Variants in TMCC1 observed in about 807,000 individuals in gnomAD.
TMCC1 encodes transmembrane and coiled-coil domain family 1.
Under a neutral mutation model 52.4 loss-of-function variants are expected in TMCC1, and 15 were observed. That is an observed-to-expected ratio of 0.29 (90% CI 0.19 to 0.44). The LOEUF (loss-of-function observed/expected upper bound fraction) is 0.44, where lower values mean the gene tolerates loss of function less well. Among genes scored for constraint, TMCC1 ranks in the 20% least tolerant of loss-of-function variants. TMCC1 has a pLI of 1.00. For missense variants in TMCC1, 503 were observed against 806.0 expected (o/e 0.62, Z 4.55); for synonymous variants, 279 against 301.9 (o/e 0.92, Z 0.79).
At chr3:129,865,194 A>T (rs1166294950) in intron 2 of TMCC1, among the ~76,000 whole-genome samples, 2 of 150,536 alleles carry the variant, frequency 1.3e-5, no homozygotes, top group Admixed American at 6.7e-5. Flanking sequence ...CTTCTCATTC[A>T]TTTTTTTTTC....
intron 4 of TMCC1, among the ~76,000 whole-genome samples, chr3:129,690,953 C>G (rs1321330765): frequency 6.6e-6 from 1 of 152,130 alleles, no homozygotes; most frequent in Admixed American, 6.6e-5. Flanking sequence ...CTGTTTTAGC[C>G]TGGGTACATC....
intron 4 of TMCC1, among the ~76,000 whole-genome samples, chr3:129,805,727 G>A (rs1256162848): frequency 1.3e-5 from 2 of 151,956 alleles, no homozygotes; most frequent in Non-Finnish European, 2.9e-5. Flanking sequence ...GAGGTTAGGA[G>A]TTTGAGACCA....
intron 2 of TMCC1, among the ~76,000 whole-genome samples, chr3:129,856,047 A>G (rs2060133603): frequency 6.6e-6 from 1 of 152,214 alleles, no homozygotes; most frequent in Non-Finnish European, 1.5e-5. Flanking sequence ...ATATTATACT[A>G]CAGTTACATA....
chr3:129,708,794 T>C (rs2048431140), intron 4 of TMCC1, among the ~76,000 whole-genome samples: 1 of 152,180 alleles, frequency 6.6e-6, no homozygotes, highest in Admixed American at 6.5e-5. Context: ...ACTTATTACT[T>C]TCCCCCAAAG....
chr3:129,793,442 C>T (rs2056610175), intron 4 of TMCC1, among the ~76,000 whole-genome samples: 1 of 152,176 alleles, frequency 6.6e-6, no homozygotes, highest in South Asian at 2.1e-4. Flanking sequence ...GTGAAGAATG[C>T]CTACAGACTT....
rs367973066 is a variant in TMCC1, at chr3:129,822,291, A to G, written c.576+5512T>C. On this transcript the variant is annotated intron_variant, in intron 4 of 6. Coordinates refer to ENST00000393238, the MANE Select transcript of TMCC1 (RefSeq NM_001017395.5). ...AAAGTTGTTTAAAAGTAATAACATA[A>G]GAACCAGGCATGGTGGCACATGCCT... Among the ~76,000 whole-genome samples, 7 of 152,262 alleles carry G rather than the reference A, an allele frequency of 4.6e-5. No individual in the cohort carries two copies. In the East Asian group the frequency reaches 1.4e-3, roughly 29 times the overall value.
chr3:129,798,524 C>CAAAAAAAA (rs796919072), intron 4 of TMCC1, among the ~76,000 whole-genome samples: 8 of 67,882 alleles, frequency 1.2e-4, no homozygotes, highest in African/African-American at 2.3e-4. Context: ...TCTTCCTATC[C>CAAAAAAAA]AAAAAAAAAA....
chr3:129,876,735 A>G (rs376839044), intron 2 of TMCC1, among the ~76,000 whole-genome samples: 26 of 152,146 alleles, frequency 1.7e-4, no homozygotes, highest in Admixed American at 8.5e-4. Flanking sequence ...CGGGAGGATC[A>G]CAAGGTCAAG....
chr3:129,878,680 C>T lies in TMCC1; in HGVS notation c.-184+1629G>A, dbSNP rs115866322. 3.1e-3 allele frequency among the ~76,000 whole-genome samples: 466 copies of T among 152,316 alleles called. 4 individuals carry two copies. Among genetic ancestry groups the T allele is most frequent in the African/African-American group, 0.01 (431 of 41,572 alleles). On this transcript the variant is annotated intron_variant, in intron 2 of 6. Coordinates refer to ENST00000393238, the MANE Select transcript of TMCC1 (RefSeq NM_001017395.5). ...ATCAGATCATGTCACCCTGCCCAAA[C>T]GCTCCAAAGACTTCCTATTTTGCTC... is the stretch of plus-strand genomic sequence containing the variant.
chr3:129,804,236 G>T (rs1560454707), intron 4 of TMCC1, among the ~76,000 whole-genome samples: 2 of 152,120 alleles, frequency 1.3e-5, no homozygotes, highest in Non-Finnish European at 2.9e-5. Context: ...TTTATCTTTG[G>T]TAATACTTCT....
At chr3:129,865,304 T>C (rs1046579075) in intron 2 of TMCC1, among the ~76,000 whole-genome samples, 3 of 151,826 alleles carry the variant, frequency 2.0e-5, no homozygotes, top group South Asian at 4.2e-4. Context: ...TACAGGTACA[T>C]GACACCACAT....
chr3:129,687,726 G>A (rs1435889246), intron 4 of TMCC1, among the ~76,000 whole-genome samples: 4 of 152,060 alleles, frequency 2.6e-5, no homozygotes, highest in Admixed American at 6.6e-5. Context: ...ACCCACCAAC[G>A]CACAGCTATG....
intron 5 of TMCC1, among the ~76,000 whole-genome samples, chr3:129,665,141 T>C (rs2087350095): frequency 6.6e-6 from 1 of 152,196 alleles, no homozygotes; most frequent in Non-Finnish European, 1.5e-5. Context: ...GAATGCACAA[T>C]GGTAAAACTC....
chr3:129,705,738 G>A (rs1212649364), intron 4 of TMCC1, among the ~76,000 whole-genome samples: 2 of 151,106 alleles, frequency 1.3e-5, no homozygotes, highest in Non-Finnish European at 2.9e-5. Flanking sequence ...GACTACAGGC[G>A]CCCGCCACCA....
At chr3:129,657,339 G>T (rs1426755151) in intron 5 of TMCC1, among the ~76,000 whole-genome samples, 1 of 152,170 alleles carries the variant, frequency 6.6e-6, no homozygotes, top group Non-Finnish European at 1.5e-5. Context: ...AGCAGCCACA[G>T]CAACAGTTTA....
At chr3:129,709,474 CA>C (rs1160022823) in intron 4 of TMCC1, among the ~76,000 whole-genome samples, 8 of 20,528 alleles carry the variant, frequency 3.9e-4, no homozygotes, top group East Asian at 1.4e-3. Flanking sequence ...AGACTTGCCT[CA>C]AAAAAAAAAA....
At chr3:129,879,634 A>G (rs1467755910) in intron 2 of TMCC1, among the ~76,000 whole-genome samples, 1 of 152,222 alleles carries the variant, frequency 6.6e-6, no homozygotes, top group Non-Finnish European at 1.5e-5. Context: ...AGGTGAGAAA[A>G]CAAACATACT....
chr3:129,737,141 C>T (rs999590164), intron 4 of TMCC1, among the ~76,000 whole-genome samples: 1 of 152,134 alleles, frequency 6.6e-6, no homozygotes, highest in Non-Finnish European at 1.5e-5. Flanking sequence ...AAGGGCTTCA[C>T]CCTCATGAAT....
intron 4 of TMCC1, among the ~76,000 whole-genome samples, chr3:129,741,548 A>C (rs2107636367): frequency 6.6e-6 from 1 of 152,268 alleles, no homozygotes; most frequent in South Asian, 2.1e-4. Flanking sequence ...CTTCACTAAC[A>C]ATCTTTCTAC....
Sources: allele counts gnomAD v4.1 joint callset (sites outside exome capture counted in the v4.1 genomes callset), GRCh38; gene constraint gnomAD v4.1.1; transcripts MANE v1.5; gene names NCBI Gene and HGNC (gene_info 2026-07-23, HGNC 2026-07-21).